The following KIF20B variants were observed in gnomAD, a reference collection of about 807,000 sequenced individuals.
KIF20B encodes kinesin family member 20B.
KIF20B carries 188 observed loss-of-function variants against 232.5 expected under a neutral mutation model. The observed-to-expected ratio is 0.81, with a 90% CI of 0.72 to 0.91. The LOEUF is 0.91. Among genes scored for constraint, KIF20B ranks in the 40% least tolerant of loss-of-function variants. The pLI is 0.00. For missense variants in KIF20B, 2,154 were observed against 2,055.9 expected (o/e 1.05, Z -0.92); for synonymous variants, 712 against 683.0 (o/e 1.04, Z -0.66).
rs541953003 is a variant in KIF20B at position 89,703,040 on chromosome 10, C to T, written c.-2+1360C>T. 6.6e-5 allele frequency among the ~76,000 whole-genome samples: 10 copies of T among 152,272 alleles called. 1 individual carries two copies. The highest frequency in any genetic ancestry group is 2.4e-4 in the African/African-American group (10 of 41,532). ...CATATGAACAAATACTTTATTATAA[C>T]TGCTTTTAGTACATAGGAATATTCT... On this transcript the variant is annotated intron_variant, in intron 1 of 32. Coordinates refer to ENST00000371728, the MANE Select transcript of KIF20B (RefSeq NM_001284259.2).
At chr10:89,706,270 T>A (rs949650994) in intron 2 of KIF20B, among the ~76,000 whole-genome samples, 6 of 152,190 alleles carry the variant, frequency 3.9e-5, no homozygotes, top group African/African-American at 1.2e-4. Flanking sequence ...TTTTTCTACT[T>A]TCTTTGTAAA....
At chr10:89,709,275 AT>A (rs1163718239) in intron 3 of KIF20B, 22 bp downstream of exon 3, 2 of 1,591,212 alleles carry the variant, frequency 1.3e-6, no homozygotes, top group South Asian at 2.3e-5. Context: ...ATTTAATAGA[AT>A]TTTAATATTT....
At chr10:89,768,511 C>A in intron 30 of KIF20B, 120 bp downstream of exon 30, 1 of 745,972 alleles carries the variant, frequency 1.3e-6, no homozygotes, top group Non-Finnish European at 2.2e-6. Flanking sequence ...TAACCTTTAG[C>A]ATTTGGCCAG....
rs200243633 is a variant in KIF20B at position 89,737,467 on chromosome 10, G to A, written c.2626G>A (p.Asp876Asn). The part of the protein sequence containing the change: ...EVRPNIAEIE[D>N]IRVLQENNEG... ...GCGACCGAACATTGCAGAAATTGAA[G>A]ACATCAGAGTTTTACAAGAAAATAA... Residue 876 changes from aspartate to asparagine, a missense_variant, in exon 20 of 33, where the codon GAC (aspartate) becomes AAC (asparagine). Asp to Asn is a conservative substitution (Grantham distance 23). Transcript: ENST00000371728. The A allele has an allele frequency of 6.2e-7, 1 of 1,608,054 alleles. No homozygotes were observed.
chr10:89,756,552 A>T (rs1340054145), intron 26 of KIF20B, among the ~76,000 whole-genome samples: 1 of 152,156 alleles, frequency 6.6e-6, no homozygotes, highest in Non-Finnish European at 1.5e-5. Context: ...TTTTGATGTA[A>T]AATTGTAACA....
Position 89,705,358 on chromosome 10 carries a change from A to G in KIF20B, c.64A>G (p.Ile22Val). The change falls in exon 2 of 33, where the codon ATT becomes GTT. Residue 22 changes from isoleucine to valine, a missense_variant. By Grantham distance (29) the Ile-to-Val change is conservative (BLOSUM62 3). Coordinates refer to ENST00000371728, the MANE Select transcript of KIF20B (RefSeq NM_001284259.2). ...ATCTTATGTTTTTAGTGCTGACCCAATTGCAAGGCCTTCAGAAATAAATTT... is the reference window on the plus strand; with the variant it reads ...ATCTTATGTTTTTAGTGCTGACCCAGTTGCAAGGCCTTCAGAAATAAATTT... ...RPSYVFSADP[I>V]ARPSEINFDG... 1 of 1,614,008 alleles carries G rather than the reference A, an allele frequency of 6.2e-7. No individual in the cohort carries two copies. Among genetic ancestry groups the G allele is most frequent in the Non-Finnish European group, 8.5e-7 (1 of 1,179,902 alleles).
At chr10:89,727,693 GA>G (rs985031261) in intron 16 of KIF20B, among the ~76,000 whole-genome samples, 162 bp from the exon 17 acceptor site, 4 of 152,016 alleles carry the variant, frequency 2.6e-5, no homozygotes, top group Non-Finnish European at 4.4e-5. Context: ...TGAATTAGCA[GA>G]TTTTTTTTTA....
chr10:89,714,673 T>C (rs987644870), intron 7 of KIF20B, among the ~76,000 whole-genome samples: 15 of 152,234 alleles, frequency 9.9e-5, no homozygotes, highest in Non-Finnish European at 1.8e-4. Flanking sequence ...ACAATTTTAA[T>C]ATTGAATTTG....
chr10:89,728,592 G>A (rs958955873), intron 17 of KIF20B, among the ~76,000 whole-genome samples: 11 of 151,924 alleles, frequency 7.2e-5, no homozygotes, highest in African/African-American at 2.7e-4. Context: ...TGCAGCCTAC[G>A]TTTCCTGGGT....
intron 18 of KIF20B, among the ~76,000 whole-genome samples, chr10:89,732,089 C>T (rs1460731928): frequency 1.3e-5 from 2 of 151,626 alleles, no homozygotes; most frequent in Admixed American, 6.6e-5. Flanking sequence ...ATATTATACC[C>T]TTTTTTTGGA....
At chr10:89,748,195 A>C (rs1408492072) in intron 23 of KIF20B, among the ~76,000 whole-genome samples, 1 of 152,146 alleles carries the variant, frequency 6.6e-6, no homozygotes, top group Non-Finnish European at 1.5e-5. Flanking sequence ...TTTTTAGTAG[A>C]GACGGGGTTT....
At chr10:89,729,913 G>A (rs191823330) in intron 18 of KIF20B, among the ~76,000 whole-genome samples, 3 of 152,262 alleles carry the variant, frequency 2.0e-5, no homozygotes, top group Admixed American at 2.0e-4. Context: ...TGGTAATAAT[G>A]TAGTAAGCTG....
intron 23 of KIF20B, among the ~76,000 whole-genome samples, chr10:89,747,499 A>G (rs1396520957): frequency 6.6e-6 from 1 of 151,538 alleles, no homozygotes; most frequent in East Asian, 1.9e-4. Flanking sequence ...ATGTCCAACA[A>G]TGATAGACTG....
chr10:89,748,280 G>C (rs1564670707), intron 23 of KIF20B, among the ~76,000 whole-genome samples: 1 of 152,154 alleles, frequency 6.6e-6, no homozygotes, highest in Non-Finnish European at 1.5e-5. Flanking sequence ...AAAGTGGTGG[G>C]ATTACAGGCT....
At chr10:89,705,189 A>G (rs1589848496) in intron 1 of KIF20B, 105 bp from the exon 2 acceptor site, 1 of 905,944 alleles carries the variant, frequency 1.1e-6, no homozygotes, top group East Asian at 2.4e-5. Flanking sequence ...TCTTTTCTAA[A>G]ATCTAGTTAT....
At chr10:89,724,170 T>A in intron 14 of KIF20B, 67 bp downstream of exon 14, 3 of 1,335,052 alleles carry the variant, frequency 2.2e-6, no homozygotes, top group Non-Finnish European at 3.0e-6. Flanking sequence ...TTTTTTTTTT[T>A]ACTTAGTTTA....
At chr10:89,710,521 G>T (rs541092079) in intron 5 of KIF20B, among the ~76,000 whole-genome samples, 1 of 152,288 alleles carries the variant, frequency 6.6e-6, no homozygotes, top group East Asian at 1.9e-4. Context: ...GAGCCACCAT[G>T]CCTGGCCTTG....
intron 28 of KIF20B, 124 bp downstream of exon 28, chr10:89,760,760 T>C: frequency 3.4e-6 from 2 of 580,816 alleles, no homozygotes; most frequent in Non-Finnish European, 6.1e-6. Context: ...CTGGGCTGTG[T>C]GAAAGAAACT....
chr10:89,717,446 A>G lies in KIF20B; in HGVS notation c.1075A>G (p.Ile359Val). 1 of 1,592,166 alleles carries G rather than the reference A, an allele frequency of 6.3e-7. No individual in the cohort carries two copies. The highest frequency in any genetic ancestry group is 8.6e-7 in the Non-Finnish European group (1 of 1,163,198). ...SRSHSIFTVKILQIEDSEMSR... is the reference protein window; with the variant it reads ...SRSHSIFTVKVLQIEDSEMSR... Reference sequence around the variant, plus strand: ...CAGTCACAGCATATTCACTGTTAAAATATTACAGATTGAAGATTCTGAAAT... The same window carrying G: ...CAGTCACAGCATATTCACTGTTAAAGTATTACAGATTGAAGATTCTGAAAT... Residue 359 changes from isoleucine to valine, a missense_variant, in exon 10 of 33, where the codon ATA becomes GTA. By Grantham distance (29) the Ile-to-Val change is conservative. Coordinates refer to ENST00000371728, the MANE Select transcript of KIF20B (RefSeq NM_001284259.2).
Sources: allele counts gnomAD v4.1 joint callset (sites outside exome capture counted in the v4.1 genomes callset), GRCh38; gene constraint gnomAD v4.1.1; transcripts MANE v1.5; gene names NCBI Gene and HGNC (gene_info 2026-07-23, HGNC 2026-07-21).